Variants in PARD3 observed in about 807,000 individuals in gnomAD.
PARD3 encodes partitioning defective 3 homolog.
A neutral mutation model predicts 155.4 loss-of-function variants in PARD3; 75 were observed. The ratio of observed to expected loss-of-function variants is 0.48; its 90% CI spans 0.40 to 0.58. The LOEUF (loss-of-function observed/expected upper bound fraction) is 0.58, where lower values mean the gene tolerates loss of function less well. PARD3 is among the 20% of genes least tolerant of loss of function. The pLI is 0.00. For synonymous variants in PARD3, 576 were observed against 610.5 expected (o/e 0.94, Z 0.83); for missense variants, 1,642 against 1,721.7 (o/e 0.95, Z 0.82).
At chr10:34,524,436 G>C (rs189229011) in intron 2 of PARD3, among the ~76,000 whole-genome samples, 1 of 152,290 alleles carries the variant, frequency 6.6e-6, no homozygotes, top group Admixed American at 6.5e-5. Flanking sequence ...TTACATTTCA[G>C]AGCTGAAATT....
rs1946773741 is a variant in PARD3 at position 34,117,902 on chromosome 10, C to A, written c.3668+1711G>T. On this transcript the variant is annotated intron_variant, in intron 24 of 24. Transcript: ENST00000374788. ...CTCCAGCCGGGGCAACAGAACAAGA[C>A]TCTGTCTCAAAAAATTTGGGAACAG... 5.3e-5 allele frequency among the ~76,000 whole-genome samples: 8 copies of A among 152,198 alleles called. No homozygotes were observed. The South Asian group carries it at 1.7e-3, about 32-fold the overall frequency.
intron 2 of PARD3, among the ~76,000 whole-genome samples, chr10:34,643,139 C>G (rs561124520): frequency 6.6e-6 from 1 of 152,226 alleles, no homozygotes; most frequent in Non-Finnish European, 1.5e-5. Context: ...TGCTCGGGAA[C>G]CTGGAATCGG....
chr10:34,340,745 T>C (rs1836722484), intron 16 of PARD3, among the ~76,000 whole-genome samples: 1 of 151,916 alleles, frequency 6.6e-6, no homozygotes, highest in African/African-American at 2.4e-5. Context: ...TAAATGCCAG[T>C]CCCCCAGACA....
At chr10:34,284,365 TC>T in intron 20 of PARD3, 120 bp from the exon 21 acceptor site, 2 of 583,578 alleles carry the variant, frequency 3.4e-6, no homozygotes. Context: ...GGATCAGGTG[TC>T]TTCTGCAGTC....
chr10:34,437,650 C>T (rs1476998663), intron 5 of PARD3, among the ~76,000 whole-genome samples: 1 of 151,872 alleles, frequency 6.6e-6, no homozygotes, highest in African/African-American at 2.4e-5. Context: ...AAATGAAAAA[C>T]CCCTGGACTC....
intron 2 of PARD3, among the ~76,000 whole-genome samples, chr10:34,624,570 A>G (rs952914934): frequency 3.9e-5 from 6 of 152,218 alleles, no homozygotes; most frequent in African/African-American, 1.4e-4. Context: ...TGTAGCCAGT[A>G]AGACCCAATG....
At chr10:34,763,950 T>G (rs1033606766) in intron 1 of PARD3, among the ~76,000 whole-genome samples, 1 of 152,210 alleles carries the variant, frequency 6.6e-6, no homozygotes, top group Non-Finnish European at 1.5e-5. Flanking sequence ...AATATGTCAG[T>G]GAAGTCACTG....
At chr10:34,802,444 A>G (rs1842909442) in intron 1 of PARD3, among the ~76,000 whole-genome samples, 1 of 152,220 alleles carries the variant, frequency 6.6e-6, no homozygotes, top group African/African-American at 2.4e-5. Context: ...GACAGAATCT[A>G]TTACATGAAA....
Position 34,131,466 on chromosome 10 carries a change from G to C in PARD3, c.3537C>G (p.Pro1179=), listed in dbSNP as rs61735571. The C allele has an allele frequency of 1.6e-4, 252 of 1,614,042 alleles. No homozygotes were observed. The African/African-American group carries it at 3.1e-3, about 20-fold the overall frequency. ...DRRRTYSFEQ[P]WPNARPATQS... ...TGCTGAAGAACCAATTACTTACCCA[G>C]GGTTGCTCAAAACTATAGGTCCGCC... is the stretch of plus-strand genomic sequence containing the variant. The change falls in exon 23 of 25, where the codon CCC becomes CCG. Residue 1179 remains proline, a synonymous_variant. Coordinates refer to ENST00000374788, the MANE Select transcript of PARD3 (RefSeq NM_001184785.2).
At chr10:34,433,922 A>T (rs2132571304) in intron 5 of PARD3, among the ~76,000 whole-genome samples, 1 of 152,338 alleles carries the variant, frequency 6.6e-6, no homozygotes, top group African/African-American at 2.4e-5. Flanking sequence ...AACAAAGCAA[A>T]TTAAAAACTC....
At chr10:34,185,128 G>A (rs891596535) in intron 22 of PARD3, among the ~76,000 whole-genome samples, 2 of 152,080 alleles carry the variant, frequency 1.3e-5, no homozygotes, top group African/African-American at 4.8e-5. Flanking sequence ...TCACTTTTAG[G>A]GCCTAGACCC....
At chr10:34,304,490 A>T (rs1443049205) in intron 20 of PARD3, among the ~76,000 whole-genome samples, 4 of 152,156 alleles carry the variant, frequency 2.6e-5, no homozygotes, top group Admixed American at 6.5e-5. Context: ...TTTTTTCCAT[A>T]GCACTCACAA....
rs142848273 is a variant in PARD3, at chr10:34,432,041, CAAAAAAAAA to C, written c.714+18267_714+18275del. ...TGGGCTACAGAGTGAGACTCTGTCT[CAAAAAAAAA>C]AAAAAAAAAAAAAAAAAAAAAGAAT... On this transcript the variant is annotated intron_variant, in intron 5 of 24. Transcript: ENST00000374788. 2.6e-3 allele frequency among the ~76,000 whole-genome samples: 56 copies of C among 21,590 alleles called. No individual in the cohort carries two copies. The South Asian group carries it at 0.079, about 30-fold the overall frequency. The allele number at this position is 21,590 out of a possible 152,430, so 14.2% of individuals were successfully genotyped here. A position where few individuals can be genotyped will look rare whatever the true frequency, so the allele number is the denominator to read the frequency against.
intron 2 of PARD3, among the ~76,000 whole-genome samples, chr10:34,555,693 A>C (rs547393227): frequency 6.6e-6 from 1 of 152,148 alleles, no homozygotes; most frequent in African/African-American, 2.4e-5. Context: ...GTATCTTATA[A>C]GGTACCAGTT....
rs189456584 is a variant in PARD3 at position 34,239,087 on chromosome 10, G to A, written c.3419+30570C>T. Among the ~76,000 whole-genome samples the A allele has an allele frequency of 2.6e-4, 40 of 152,204 alleles. No homozygotes were observed. The East Asian group carries it at 3.3e-3, about 12-fold the overall frequency. ...AATAAGAGAAACAGTTCACCATTTCGGAATTTGTTTGCTTACATGCTTGAC... is the reference window on the plus strand; with the variant it reads ...AATAAGAGAAACAGTTCACCATTTCAGAATTTGTTTGCTTACATGCTTGAC... On this transcript the variant is annotated intron_variant, in intron 22 of 24. Coordinates refer to ENST00000374788, the MANE Select transcript of PARD3 (RefSeq NM_001184785.2).
intron 2 of PARD3, among the ~76,000 whole-genome samples, chr10:34,536,200 T>C (rs2083215672): frequency 6.6e-6 from 1 of 152,000 alleles, no homozygotes; most frequent in Non-Finnish European, 1.5e-5. Flanking sequence ...GACTTCAGTA[T>C]AACAAAAAAA....
intron 1 of PARD3, among the ~76,000 whole-genome samples, chr10:34,768,655 C>T (rs1282999489): frequency 6.6e-6 from 1 of 152,222 alleles, no homozygotes; most frequent in Non-Finnish European, 1.5e-5. Flanking sequence ...ATTTTCCTTT[C>T]ACAAGCCCTA....
At chr10:34,290,874 A>G (rs1956644763) in intron 20 of PARD3, among the ~76,000 whole-genome samples, 1 of 152,152 alleles carries the variant, frequency 6.6e-6, no homozygotes, top group African/African-American at 2.4e-5. Flanking sequence ...AAAAGCACAT[A>G]CCCTGTCCTG....
chr10:34,114,011 C>T (rs1407283149), intron 24 of PARD3, among the ~76,000 whole-genome samples: 1 of 152,146 alleles, frequency 6.6e-6, no homozygotes, highest in African/African-American at 2.4e-5. Flanking sequence ...AATCTCAGAA[C>T]TTTAGGAGGA....
Sources: gnomAD v4.1 joint callset for allele counts (sites outside exome capture counted in the v4.1 genomes callset) on GRCh38, gnomAD v4.1.1 for gene constraint, MANE v1.5 for transcripts, NCBI Gene and HGNC (gene_info 2026-07-23, HGNC 2026-07-21) for gene names.